Variants in RBFOX1 observed in about 807,000 individuals in gnomAD.
The protein encoded by RBFOX1 is RNA binding protein fox-1 homolog 1.
A neutral mutation model predicts 57.7 loss-of-function variants in RBFOX1; 8 were observed. That is an observed-to-expected ratio of 0.14 (90% CI 0.08 to 0.25). The LOEUF (loss-of-function observed/expected upper bound fraction) is 0.25. RBFOX1 is among the 10% of genes least tolerant of loss of function. RBFOX1 has a pLI of 1.00. For missense variants in RBFOX1, 611 were observed against 548.5 expected (o/e 1.11, Z -1.14); for synonymous variants, 326 against 222.4 (o/e 1.47, Z -4.15).
chr16:7,205,238 C>T (rs568203126), intron 4 of RBFOX1, among the ~76,000 whole-genome samples: 30 of 151,942 alleles, frequency 2.0e-4, no homozygotes, highest in Non-Finnish European at 2.9e-4. Flanking sequence ...TGGAAATGGG[C>T]GGGGCGTGGC....
chr16:6,141,784 C>G (rs965596646), intron 1 of RBFOX1, among the ~76,000 whole-genome samples: 5 of 152,050 alleles, frequency 3.3e-5, no homozygotes, highest in Non-Finnish European at 5.9e-5. Flanking sequence ...TGAAAGAACT[C>G]TTTTTTAAAA....
intron 1 of RBFOX1, among the ~76,000 whole-genome samples, chr16:6,094,872 C>A (rs1182470776): frequency 1.3e-5 from 2 of 152,136 alleles, no homozygotes; most frequent in Non-Finnish European, 2.9e-5. Context: ...CCAGCCTGGC[C>A]AACATGATGA....
intron 3 of RBFOX1, among the ~76,000 whole-genome samples, chr16:6,993,820 G>C (rs952140259): frequency 6.6e-6 from 1 of 152,166 alleles, no homozygotes; most frequent in Non-Finnish European, 1.5e-5. Flanking sequence ...TTGATAGTAT[G>C]CTTGCATGAA....
intron 5 of RBFOX1, among the ~76,000 whole-genome samples, chr16:7,543,618 T>A (rs1363856324): frequency 6.6e-6 from 1 of 152,008 alleles, no homozygotes; most frequent in Non-Finnish European, 1.5e-5. Context: ...GCTTAAGGAT[T>A]TCTTAACAGC....
At chr16:6,999,153 G>C (rs1489020505) in intron 3 of RBFOX1, among the ~76,000 whole-genome samples, 1 of 147,596 alleles carries the variant, frequency 6.8e-6, no homozygotes, top group East Asian at 2.0e-4. Flanking sequence ...ACAGGTGTGA[G>C]CCACTGAGCC....
chr16:5,483,920 C>T (rs996455460), intron 2 of RBFOX1, among the ~76,000 whole-genome samples: 38 of 150,130 alleles, frequency 2.5e-4, no homozygotes, highest in African/African-American at 9.0e-4. Context: ...CTTGTGATCC[C>T]AGCACTTTGA....
intron 4 of RBFOX1, among the ~76,000 whole-genome samples, chr16:7,165,978 A>ACC (rs2079432125): frequency 6.8e-6 from 1 of 147,746 alleles, no homozygotes; most frequent in African/African-American, 2.6e-5. Context: ...ACATACATAC[A>ACC]CCCCAGATTT....
chr16:5,892,207 C>T (rs1597665609), intron 4 of RBFOX1, among the ~76,000 whole-genome samples: 2 of 152,214 alleles, frequency 1.3e-5, no homozygotes, highest in African/African-American at 4.8e-5. Flanking sequence ...GTGCTAGGTA[C>T]ACAGCAGCGT....
chr16:5,459,927 C>A (rs759185846), intron 1 of RBFOX1, among the ~76,000 whole-genome samples: 7 of 152,166 alleles, frequency 4.6e-5, no homozygotes, highest in Admixed American at 1.3e-4. Context: ...TCCGTGTCGC[C>A]ACTCCGAGTT....
chr16:6,234,122 C>T (rs1470200104), intron 1 of RBFOX1, among the ~76,000 whole-genome samples: 1 of 152,118 alleles, frequency 6.6e-6, no homozygotes. Flanking sequence ...GGGGAGGAGC[C>T]TGTATGAACC....
At chr16:6,902,592 C>T (rs1043891119) in intron 3 of RBFOX1, among the ~76,000 whole-genome samples, 15 of 152,120 alleles carry the variant, frequency 9.9e-5, no homozygotes, top group Non-Finnish European at 1.9e-4. Flanking sequence ...TATGGTGGCA[C>T]ACACCTGTAA....
chr16:5,928,331 C>A (rs996166921), intron 4 of RBFOX1, among the ~76,000 whole-genome samples: 1 of 151,826 alleles, frequency 6.6e-6, no homozygotes, highest in African/African-American at 2.4e-5. Context: ...GATCCTCCAG[C>A]CCCTGCCTTC....
chr16:6,321,520 T>G (rs1305148949), intron 2 of RBFOX1, among the ~76,000 whole-genome samples: 1 of 152,210 alleles, frequency 6.6e-6, no homozygotes. Context: ...AATGGTCCCC[T>G]GGGACTCTGC....
rs71408406 is a variant in RBFOX1, at chr16:6,727,050, A to AACACACAC, written c.-16+72408_-16+72415dup. Among the ~76,000 whole-genome samples, 188 of 135,862 alleles carry AACACACAC rather than the reference A, an allele frequency of 1.4e-3. 2 individuals carry two copies. The highest frequency in any genetic ancestry group is 3.7e-3 in the Middle Eastern group (1 of 270). The allele number at this position is 135,862 out of a possible 152,430, so 89.1% of individuals were successfully genotyped here. ...TCATGACCTTCAGGTATTTGGACTG[A>AACACACAC]ACACACACACACACAGACACAGAGA... On this transcript the variant is annotated intron_variant, in intron 3 of 15. Transcript: ENST00000550418.
intron 3 of RBFOX1, among the ~76,000 whole-genome samples, chr16:5,605,637 C>T (rs1356118986): frequency 6.6e-6 from 1 of 150,572 alleles, no homozygotes; most frequent in Non-Finnish European, 1.5e-5. Context: ...GAGAGTGGTG[C>T]CATTGATGAG....
At chr16:6,967,126 CTATT>C (rs1288543829) in intron 3 of RBFOX1, among the ~76,000 whole-genome samples, 12 of 152,152 alleles carry the variant, frequency 7.9e-5, no homozygotes, top group African/African-American at 2.9e-4. Context: ...CATTACTTAT[CTATT>C]TAAACATTCA....
At chr16:6,513,382 C>A (rs918772780) in intron 2 of RBFOX1, among the ~76,000 whole-genome samples, 4 of 152,154 alleles carry the variant, frequency 2.6e-5, no homozygotes, top group African/African-American at 9.7e-5. Context: ...CATATCTACA[C>A]ATCAAACTTT....
At chr16:7,048,034 A>G (rs2048642520) in intron 3 of RBFOX1, among the ~76,000 whole-genome samples, 1 of 151,816 alleles carries the variant, frequency 6.6e-6, no homozygotes, top group Non-Finnish European at 1.5e-5. Context: ...GCCTGCCACA[A>G]CGCCTGGCTA....
chr16:7,689,255 A>AT (rs1359377993), intron 14 of RBFOX1, among the ~76,000 whole-genome samples: 1 of 152,002 alleles, frequency 6.6e-6, no homozygotes, highest in Non-Finnish European at 1.5e-5. Flanking sequence ...CCATTTCATC[A>AT]TTTTTCATAC....
Sources: allele counts gnomAD v4.1 joint callset (sites outside exome capture counted in the v4.1 genomes callset), GRCh38; gene constraint gnomAD v4.1.1; transcripts MANE v1.5; gene names NCBI Gene and HGNC (gene_info 2026-07-23, HGNC 2026-07-21).